Variants in ST3GAL2 observed in about 807,000 individuals in gnomAD.
ST3GAL2 encodes the protein CMP-N-acetylneuraminate-beta-galactosamide-alpha-2,3-sialyltransferase 2.
ST3GAL2 carries 16 observed loss-of-function variants against 37.5 expected under a neutral mutation model. That is an observed-to-expected ratio of 0.43 (90% CI 0.29 to 0.65). The LOEUF (loss-of-function observed/expected upper bound fraction) is 0.65, where lower values mean the gene tolerates loss of function less well. ST3GAL2 is among the 30% of genes least tolerant of loss of function. The pLI is 0.17. For synonymous variants in ST3GAL2, 238 were observed against 202.9 expected (o/e 1.17, Z -1.47); for missense variants, 383 against 487.8 (o/e 0.79, Z 2.02).
Position 70,420,486 on chromosome 16 carries a change from T to C in ST3GAL2, c.-1004+18463A>G, listed in dbSNP as rs1381476124. Reference sequence around the variant, plus strand: ...GGTGGTCAAGTAGTCTGGAGAGGATTCCTGGTGGCATGGGTCCTACAAGAC... The same window carrying C: ...GGTGGTCAAGTAGTCTGGAGAGGATCCCTGGTGGCATGGGTCCTACAAGAC... On this transcript the variant is annotated intron_variant, in intron 1 of 6. Coordinates refer to ENST00000342907, the MANE Select transcript of ST3GAL2 (RefSeq NM_006927.4). Among the ~76,000 whole-genome samples, 3 of 152,058 alleles carry C rather than the reference T, an allele frequency of 2.0e-5. No homozygotes were observed. The East Asian group carries it at 5.8e-4, about 29-fold the overall frequency.
chr16:70,426,265 C>T (rs2047750815), intron 1 of ST3GAL2, among the ~76,000 whole-genome samples: 1 of 139,290 alleles, frequency 7.2e-6, no homozygotes, highest in Non-Finnish European at 1.5e-5. Flanking sequence ...GCGATCTCGG[C>T]TCACTGCAAC....
At chr16:70,382,004 C>A in intron 6 of ST3GAL2, 142 bp from the exon 7 acceptor site, 2 of 942,818 alleles carry the variant, frequency 2.1e-6, no homozygotes, top group Non-Finnish European at 3.2e-6. Context: ...AGGACATGGA[C>A]TCACATGGGG....
intron 1 of ST3GAL2, among the ~76,000 whole-genome samples, chr16:70,430,420 A>C (rs2047781436): frequency 6.6e-6 from 1 of 152,240 alleles, no homozygotes; most frequent in Admixed American, 6.5e-5. Flanking sequence ...ATCCTTCATC[A>C]AACAGCCACC....
chr16:70,430,034 A>G (rs2047778773), intron 1 of ST3GAL2, among the ~76,000 whole-genome samples: 1 of 152,180 alleles, frequency 6.6e-6, no homozygotes, highest in Non-Finnish European at 1.5e-5. Context: ...CTGCACCCTC[A>G]TGCCCCCTGA....
intron 3 of ST3GAL2, among the ~76,000 whole-genome samples, chr16:70,388,927 T>C (rs1488862570): frequency 6.7e-6 from 1 of 148,226 alleles, no homozygotes; most frequent in Admixed American, 6.7e-5. Flanking sequence ...AATATAAAAT[T>C]AGCTGGGCGT....
rs549855942 is a variant in ST3GAL2 at position 70,410,824 on chromosome 16, T to TC, written c.-1003-11292_-1003-11291insG. On this transcript the variant is annotated intron_variant, in intron 1 of 6. Transcript: ENST00000342907. ...TTAGATCCTGTTTTTTTTTTTTTTT[T>TC]TTGTCTCTGTGTTTTGCCGTCTGTA... 9.9e-5 allele frequency among the ~76,000 whole-genome samples: 15 copies of TC among 151,152 alleles called. 1 individual carries two copies. In the South Asian group the frequency reaches 2.9e-3, roughly 30 times the overall value.
chr16:70,432,704 T>C (rs1356443783), intron 1 of ST3GAL2, among the ~76,000 whole-genome samples: 7 of 152,146 alleles, frequency 4.6e-5, no homozygotes, highest in Admixed American at 2.0e-4. Context: ...TCTACCCTAA[T>C]AGCTGAATGA....
chr16:70,410,474 T>G (rs1432704835), intron 1 of ST3GAL2, among the ~76,000 whole-genome samples: 1 of 151,476 alleles, frequency 6.6e-6, no homozygotes, highest in Non-Finnish European at 1.5e-5. Context: ...AGGATGGTCT[T>G]GATCTCCTGA....
At chr16:70,382,701 T>A in intron 6 of ST3GAL2, 104 bp downstream of exon 6, 1 of 1,543,792 alleles carries the variant, frequency 6.5e-7, no homozygotes, top group East Asian at 2.3e-5. Flanking sequence ...CCACATGGAT[T>A]CTGCCTACAG....
Position 70,379,923 on chromosome 16 carries a change from G to C in ST3GAL2, c.*1766C>G, listed in dbSNP as rs1014749927. ...CAAAGTGCTGGGATGACAGGTGTGA[G>C]CCACCGTACCTGGCGGGATTCATGA... On this transcript the variant is annotated 3_prime_UTR_variant, in exon 7 of 7. Coordinates refer to ENST00000342907, the MANE Select transcript of ST3GAL2 (RefSeq NM_006927.4). 6.6e-6 allele frequency: 1 copy of C among 152,028 alleles called. No individual in the cohort carries two copies. The highest frequency in any genetic ancestry group is 2.1e-4 in the South Asian group (1 of 4,828). The allele number at this position is 152,028 out of a possible 1,614,324, so 9.4% of individuals were successfully genotyped here. A position where few individuals can be genotyped will look rare whatever the true frequency, so the allele number is the denominator to read the frequency against.
chr16:70,405,498 G>C (rs551834064), intron 1 of ST3GAL2, among the ~76,000 whole-genome samples: 3 of 142,386 alleles, frequency 2.1e-5, no homozygotes, highest in East Asian at 2.1e-4. Flanking sequence ...CCGAGATTGC[G>C]CCACTGCACT....
chr16:70,399,145 A>G lies in ST3GAL2; in HGVS notation c.-615T>C, dbSNP rs2047538168. On this transcript the variant is annotated 5_prime_UTR_variant, in exon 2 of 7. Coordinates refer to ENST00000342907, the MANE Select transcript of ST3GAL2 (RefSeq NM_006927.4). ...GAGGACAAAAACAGGAAGCTCTGTGAGTGTGGGAAAACTCCGCTGCAGAGA... is the reference window on the plus strand; with the variant it reads ...GAGGACAAAAACAGGAAGCTCTGTGGGTGTGGGAAAACTCCGCTGCAGAGA... The G allele has an allele frequency of 2.5e-6, 1 of 399,748 alleles. No homozygotes were observed. Among genetic ancestry groups the G allele is most frequent in the Non-Finnish European group, 4.4e-6 (1 of 226,942 alleles). The allele number at this position is 399,748 out of a possible 1,614,324, so 24.8% of individuals were successfully genotyped here. A position where few individuals can be genotyped will look rare whatever the true frequency, so the allele number is the denominator to read the frequency against.
intron 1 of ST3GAL2, among the ~76,000 whole-genome samples, chr16:70,431,171 C>T (rs1468471690): frequency 5.3e-5 from 8 of 152,204 alleles, no homozygotes; most frequent in Admixed American, 2.6e-4. Flanking sequence ...TGCCTCTCCT[C>T]ATCTTCCCCT....
chr16:70,426,515 CTT>C (rs1306374449), intron 1 of ST3GAL2, among the ~76,000 whole-genome samples: 2 of 132,354 alleles, frequency 1.5e-5, no homozygotes, highest in Admixed American at 7.7e-5. Context: ...AAGTGTTTTT[CTT>C]TTTTTTTTTT....
chr16:70,396,806 A>T (rs2047519208), intron 2 of ST3GAL2, among the ~76,000 whole-genome samples: 1 of 152,132 alleles, frequency 6.6e-6, no homozygotes, highest in Non-Finnish European at 1.5e-5. Flanking sequence ...TGGCAACCAG[A>T]TGGCCTGCAG....
chr16:70,424,564 G>C (rs1597575076), intron 1 of ST3GAL2, among the ~76,000 whole-genome samples: 1 of 151,118 alleles, frequency 6.6e-6, no homozygotes, highest in East Asian at 2.0e-4. Flanking sequence ...TTGTGCCATG[G>C]CACTCCAGCC....
intron 1 of ST3GAL2, among the ~76,000 whole-genome samples, chr16:70,415,855 A>G (rs2047673606): frequency 8.7e-6 from 1 of 114,440 alleles, no homozygotes; most frequent in Non-Finnish European, 1.8e-5. Context: ...GGCTCACCGC[A>G]ACCTCCGCCT....
In ST3GAL2 at chr16:70,388,393, G is replaced by A. The variant is rs139403154; in HGVS notation, c.687C>T (p.Ser229=). ...ATCGGATCTGCCCCGTGGACAAGGCGCTGGCGATCCACAGAAGGTCCAGGA... is the reference window on the plus strand; with the variant it reads ...ATCGGATCTGCCCCGTGGACAAGGCACTGGCGATCCACAGAAGGTCCAGGA... The part of the protein sequence containing the change: ...FKVLDLLWIA[S]ALSTGQIRFT... Residue 229 remains serine (S), a synonymous_variant, in exon 4 of 7, where the codon AGC becomes AGT. Coordinates refer to ENST00000342907, the MANE Select transcript of ST3GAL2 (RefSeq NM_006927.4). 1.2e-5 allele frequency: 19 copies of A among 1,614,088 alleles called. No individual in the cohort carries two copies. Among genetic ancestry groups the A allele is most frequent in the Admixed American group, 1.7e-5 (1 of 59,988 alleles).
chr16:70,407,146 C>CTTT (rs768491019), intron 1 of ST3GAL2, among the ~76,000 whole-genome samples: 1 of 139,894 alleles, frequency 7.1e-6, no homozygotes. Context: ...ACACTATGGC[C>CTTT]TTTTTTTTTT....
Sources: gnomAD v4.1 joint callset for allele counts (sites outside exome capture counted in the v4.1 genomes callset) on GRCh38, gnomAD v4.1.1 for gene constraint, MANE v1.5 for transcripts, NCBI Gene and HGNC (gene_info 2026-07-23, HGNC 2026-07-21) for gene names.